Variants in DOCK1 observed in about 807,000 individuals in gnomAD.
DOCK1 encodes the protein dedicator of cytokinesis protein 1.
In DOCK1, 138 loss-of-function variants were observed where a neutral mutation model predicts 262.7. That is an observed-to-expected ratio of 0.53 (90% confidence interval 0.46 to 0.61). The LOEUF (loss-of-function observed/expected upper bound fraction) is 0.61, where lower values mean the gene tolerates loss of function less well. Ranked by LOEUF, DOCK1 falls within the 20% of genes least tolerant of loss-of-function variation. The pLI is 0.00. For synonymous variants in DOCK1, 866 were observed against 867.4 expected (o/e 1.00, Z 0.03); for missense variants, 1,908 against 2,370.7 (o/e 0.80, Z 4.05).
rs566170184 is a variant in DOCK1, at chr10:127,051,269, TG to T, written c.2202-1408del. Among the ~76,000 whole-genome samples, 1,011 of 152,166 alleles carry T rather than the reference TG, an allele frequency of 6.6e-3. 5 individuals carry two copies. The highest frequency in any genetic ancestry group is 0.01 in the Non-Finnish European group (698 of 67,940). On this transcript the variant is annotated intron_variant, in intron 21 of 51. Transcript: ENST00000623213. ...TTGTGTTTTTAAAACTAAATGTTTT[TG>T]GGGAATCTTATTAGGAAATGTCAAT...
At chr10:127,360,818 C>G (rs959723993) in intron 32 of DOCK1, among the ~76,000 whole-genome samples, 2 of 152,174 alleles carry the variant, frequency 1.3e-5, no homozygotes, top group Non-Finnish European at 2.9e-5. Context: ...GACCCAGGTT[C>G]AAATCCTGCT....
At chr10:127,346,809 ACT>A (rs1433313643) in intron 31 of DOCK1, among the ~76,000 whole-genome samples, 2 of 152,066 alleles carry the variant, frequency 1.3e-5, no homozygotes, top group East Asian at 1.9e-4. Context: ...GCAACAGGAG[ACT>A]CTGGATTTCC....
chr10:127,090,660 C>T (rs777324898), intron 23 of DOCK1, among the ~76,000 whole-genome samples: 1 of 152,178 alleles, frequency 6.6e-6, no homozygotes, highest in African/African-American at 2.4e-5. Context: ...CACTCTGTTT[C>T]CCCCTTCACA....
intron 27 of DOCK1, among the ~76,000 whole-genome samples, chr10:127,233,837 A>G (rs1206872900): frequency 6.6e-6 from 1 of 152,212 alleles, no homozygotes; most frequent in African/African-American, 2.4e-5. Context: ...TGAAGGTACC[A>G]TTCTTCCCTT....
intron 29 of DOCK1, among the ~76,000 whole-genome samples, chr10:127,290,215 A>G (rs906038556): frequency 6.6e-6 from 1 of 152,130 alleles, no homozygotes; most frequent in Non-Finnish European, 1.5e-5. Flanking sequence ...TGAATGCTGT[A>G]GATCATATGT....
intron 1 of DOCK1, among the ~76,000 whole-genome samples, chr10:126,926,011 T>A (rs1048455399): frequency 2.0e-5 from 3 of 152,082 alleles, no homozygotes; most frequent in African/African-American, 4.8e-5. Context: ...TGTTTGACTT[T>A]GGCCCAGTTA....
intron 46 of DOCK1, among the ~76,000 whole-genome samples, chr10:127,420,269 C>T (rs1185381304): frequency 2.0e-5 from 3 of 152,136 alleles, no homozygotes; most frequent in African/African-American, 4.8e-5. Context: ...CCTGGGGCCT[C>T]GGGAGCCTTT....
chr10:127,175,082 G>A lies in DOCK1; in HGVS notation c.2847+47318G>A, dbSNP rs2054960323. The A allele has an allele frequency of 6.4e-6, 5 of 777,414 alleles. No individual in the cohort carries two copies. The highest frequency in any genetic ancestry group is 2.5e-5 in the East Asian group (1 of 40,498). The allele number at this position is 777,414 out of a possible 1,614,324, so 48.2% of individuals were successfully genotyped here. A position where few individuals can be genotyped will look rare whatever the true frequency, so the allele number is the denominator to read the frequency against. On this transcript the variant is annotated intron_variant, in intron 27 of 51. Coordinates refer to ENST00000623213, the MANE Select transcript of DOCK1 (RefSeq NM_001290223.2). The surrounding 1 kb of genome is among the most constrained non-coding windows in gnomAD (Gnocchi z 6.3). ...TCTGCGACCCCTTGGAGCTCGCCAC[G>A]CCCTTAGACTATGACCTGTTTACGG...
intron 27 of DOCK1, among the ~76,000 whole-genome samples, chr10:127,227,516 C>T (rs767721582): frequency 1.3e-5 from 2 of 152,216 alleles, no homozygotes; most frequent in African/African-American, 4.8e-5. Flanking sequence ...AAGCCACGTT[C>T]CAGTAGCACT....
intron 27 of DOCK1, among the ~76,000 whole-genome samples, chr10:127,144,271 G>A (rs1008245273): frequency 3.9e-5 from 6 of 152,080 alleles, no homozygotes; most frequent in African/African-American, 1.4e-4. Context: ...CCTTCTTTCT[G>A]TGGATTTTCT....
At position 127,061,763 on chromosome 10, in the gene DOCK1, C is replaced by T; in HGVS notation, c.2432C>T (p.Thr811Ile). 1 of 1,587,110 alleles carries T rather than the reference C, an allele frequency of 6.3e-7. No homozygotes were observed. Among genetic ancestry groups the T allele is most frequent in the South Asian group, 1.2e-5 (1 of 86,542 alleles). ...NDMMSSMSDQTVRVKGAALKY... is the reference protein window; with the variant it reads ...NDMMSSMSDQIVRVKGAALKY... ...ATGATGAGCAGCATGTCAGACCAGA[C>T]CGTCCGGGTGAAGGTGAGTGCCGGC... is the stretch of plus-strand genomic sequence containing the variant. Residue 811 changes from threonine to isoleucine, a missense_variant, in exon 23 of 52, where the codon ACC (threonine) becomes ATC (isoleucine). Coordinates refer to ENST00000623213, the MANE Select transcript of DOCK1 (RefSeq NM_001290223.2).
rs527525789 is a variant in DOCK1 at position 127,352,399 on chromosome 10, C to CA, written c.3225-2269dup. On this transcript the variant is annotated intron_variant, in intron 31 of 51. Coordinates refer to ENST00000623213, the MANE Select transcript of DOCK1 (RefSeq NM_001290223.2). ...CAGATTGTGGTGCCAGCTCTGGAAA[C>CA]ACAGCAAGTCACTCCTGAATTACCC... is the stretch of plus-strand genomic sequence containing the variant. Among the ~76,000 whole-genome samples, 215 of 152,116 alleles carry CA rather than the reference C, an allele frequency of 1.4e-3. 1 individual carries two copies. The highest frequency in any genetic ancestry group is 3.4e-3 in the Middle Eastern group (1 of 294).
At chr10:127,048,453 T>G (rs1340918853) in intron 21 of DOCK1, among the ~76,000 whole-genome samples, 1 of 152,196 alleles carries the variant, frequency 6.6e-6, no homozygotes, top group Non-Finnish European at 1.5e-5. Context: ...ATTTTCTTCC[T>G]GCCTCTGTTT....
At chr10:127,355,689 C>G (rs1223758385) in intron 32 of DOCK1, among the ~76,000 whole-genome samples, 1 of 152,232 alleles carries the variant, frequency 6.6e-6, no homozygotes, top group Non-Finnish European at 1.5e-5. Context: ...CCGCATCACT[C>G]TGTTAGCCTC....
At chr10:127,290,234 T>G (rs761031680) in intron 29 of DOCK1, among the ~76,000 whole-genome samples, 1 of 152,206 alleles carries the variant, frequency 6.6e-6, no homozygotes, top group South Asian at 2.1e-4. Context: ...GTAAAAGATA[T>G]ACAGACTTAA....
At chr10:127,185,040 G>C (rs1294256311) in intron 27 of DOCK1, among the ~76,000 whole-genome samples, 1 of 152,222 alleles carries the variant, frequency 6.6e-6, no homozygotes, top group African/African-American at 2.4e-5. Context: ...GAGGAGGGAA[G>C]TACTGAGAGT....
chr10:127,073,449 C>T (rs1327842541), intron 23 of DOCK1, among the ~76,000 whole-genome samples: 1 of 152,208 alleles, frequency 6.6e-6, no homozygotes. Context: ...CTCCAATTCA[C>T]ATTAGAAAGA....
At chr10:127,034,410 A>G (rs11018237) in intron 18 of DOCK1, among the ~76,000 whole-genome samples, 5,587 of 152,258 alleles carry the variant, frequency 0.037, 109 homozygotes, top group East Asian at 0.074. Flanking sequence ...ACCTGCCCCC[A>G]TGATTCAATT....
intron 43 of DOCK1, among the ~76,000 whole-genome samples, chr10:127,413,897 T>C (rs1206984974): frequency 6.6e-6 from 1 of 151,156 alleles, no homozygotes; most frequent in Non-Finnish European, 1.5e-5. Flanking sequence ...CTTTCCAAGA[T>C]CCAAGTCAGT....
Sources: allele counts gnomAD v4.1 joint callset (sites outside exome capture counted in the v4.1 genomes callset), GRCh38; gene constraint gnomAD v4.1.1; non-coding constraint Gnocchi (gnomAD v3.1); transcripts MANE v1.5; gene names NCBI Gene and HGNC (gene_info 2026-07-23, HGNC 2026-07-21).